The following HPX variants were observed in gnomAD, a reference collection of about 807,000 sequenced individuals.
HPX encodes hemopexin.
Under a neutral mutation model 53.8 loss-of-function variants are expected in HPX, and 42 were observed. The observed-to-expected ratio is 0.78, with a 90% CI of 0.61 to 1.01. The LOEUF (loss-of-function observed/expected upper bound fraction) is 1.01. Ranked by LOEUF, HPX falls within the 50% of genes least tolerant of loss-of-function variation. The pLI, the probability that HPX is intolerant of heterozygous loss-of-function variation, is 0.00. For synonymous variants in HPX, 229 were observed against 221.1 expected, an observed-to-expected ratio of 1.04 and a Z score of -0.32; for missense variants, 547 against 594.3, an observed-to-expected ratio of 0.92 and a Z score of 0.83.
At chr11:6,440,036 A>G (rs1436716562) in intron 4 of HPX, 129 bp downstream of exon 4, 2 of 1,202,414 alleles carry the variant, frequency 1.7e-6, no homozygotes, top group Admixed American at 3.6e-5. Flanking sequence ...TTTACAGGAA[A>G]GGAGGGCACA....
At position 6,440,934 on chromosome 11, in the gene HPX, T is replaced by A; in HGVS notation, c.30A>T (p.Ala10=). Residue 10 remains alanine, a synonymous_variant, in exon 1 of 10, where the codon GCA becomes GCT. Transcript: ENST00000265983. MARVLGAPV[A]LGLWSLCWSL... is the part of the protein sequence containing the mutation. Reference sequence around the variant, plus strand: ...ACCAGCATAGGCTCCACAACCCCAGTGCAACGGGTGCTCCCAGTACCCTAG... The same window carrying A: ...ACCAGCATAGGCTCCACAACCCCAGAGCAACGGGTGCTCCCAGTACCCTAG... 1 of 1,609,916 alleles carries A rather than the reference T, an allele frequency of 6.2e-7. No individual in the cohort carries two copies.
At chr11:6,433,233 A>T (rs1477074696) in intron 7 of HPX, among the ~76,000 whole-genome samples, 2 of 152,112 alleles carry the variant, frequency 1.3e-5, no homozygotes, top group African/African-American at 4.8e-5. Context: ...CTGGAGTGCA[A>T]TGGTGCAATC....
chr11:6,437,217 C>G, intron 6 of HPX, 40 bp from the exon 7 acceptor site: 1 of 1,592,934 alleles, frequency 6.3e-7, no homozygotes, highest in Non-Finnish European at 8.6e-7. Flanking sequence ...AGAAGGAGGC[C>G]AGAGGTCAGA....
intron 2 of HPX, 29 bp from the exon 3 acceptor site, chr11:6,440,567 T>TAAAAAAAAAAAAAAAAAAA: frequency 5.1e-6 from 3 of 589,000 alleles, no homozygotes; most frequent in South Asian, 3.8e-5. Context: ...GATGGCAAAG[T>TAAAAAAAAAAAAAAAAAAA]AAAAAAAAAA....
chr11:6,440,398 G>C, intron 3 of HPX, 69 bp downstream of exon 3: 1 of 1,589,932 alleles, frequency 6.3e-7, no homozygotes, highest in Non-Finnish European at 8.6e-7. Context: ...ACCTCCCACA[G>C]ACAGGGACAC....
At chr11:6,435,109 A>C (rs7109557) in intron 7 of HPX, among the ~76,000 whole-genome samples, 36,835 of 150,930 alleles carry the variant, frequency 0.24, 4,741 homozygotes, top group African/African-American at 0.31. Context: ...ATTGTAACCC[A>C]AAAAAAAATA....
At position 6,437,154 on chromosome 11, in the gene HPX, C is replaced by A; in HGVS notation, c.727G>T (p.Gly243Cys). 6.2e-7 allele frequency: 1 copy of A among 1,614,006 alleles called. No homozygotes were observed. The highest frequency in any genetic ancestry group is 1.1e-5 in the South Asian group (1 of 91,052). ...GRGHGHRNGT[G>C]HGNSTHHGPE... ...CCATGGTGGGTACTGTTCCCATGGC[C>A]AGTCCCATTCCTGTGTCCATGGCCT... The change falls in exon 7 of 10, where the codon GGC (glycine) becomes TGC (cysteine). Residue 243 changes from glycine to cysteine, a missense_variant. Coordinates refer to ENST00000265983, the MANE Select transcript of HPX (RefSeq NM_000613.3).
intron 7 of HPX, among the ~76,000 whole-genome samples, chr11:6,435,365 G>C (rs1265123778): frequency 6.6e-6 from 1 of 152,008 alleles, no homozygotes; most frequent in Non-Finnish European, 1.5e-5. Context: ...CTGTAGCTGG[G>C]TCATGTTGGT....
rs1488983510 is a variant in HPX at position 6,440,298 on chromosome 11, C to G, written c.215-12G>C. ...CCACACAAACTCCCCTGAAAAAACC[C>G]ACACTCACTGAGGGGCCCAGTGAGA... On this transcript the variant is annotated splice_polypyrimidine_tract_variant and intron_variant, in intron 3 of 9. Coordinates refer to ENST00000265983, the MANE Select transcript of HPX (RefSeq NM_000613.3). 1 of 1,613,656 alleles carries G rather than the reference C, an allele frequency of 6.2e-7. No homozygotes were observed. The highest frequency in any genetic ancestry group is 8.5e-7 in the Non-Finnish European group (1 of 1,179,992).
chr11:6,438,443 C>A lies in HPX; in HGVS notation c.403G>T (p.Glu135Ter). The change falls in exon 5 of 10, where the codon GAA becomes TAA. Residue 135 changes from glutamate (E) to a stop codon, truncating the protein, a stop_gained. Coordinates refer to ENST00000265983, the MANE Select transcript of HPX (RefSeq NM_000613.3). LOFTEE classifies it high-confidence loss of function. Reference protein sequence around the residue: ...EKGYPKLLQDEFPGIPSPLDA... With the variant: ...EKGYPKLLQD Reference sequence around the variant, plus strand: ...AGTGGGGATGGGATTCCAGGAAATTCATCTTGGAGCAACTTTGGGTATCCT... The same window carrying A: ...AGTGGGGATGGGATTCCAGGAAATTAATCTTGGAGCAACTTTGGGTATCCT... The A allele has an allele frequency of 1.2e-6, 2 of 1,613,890 alleles. No individual in the cohort carries two copies. The highest frequency in any genetic ancestry group is 1.1e-5 in the South Asian group (1 of 91,076).
At position 6,438,348 on chromosome 11, in the gene HPX, G is replaced by C. The variant is rs1174276544; in HGVS notation, c.490+8C>G. ...ACTCCAGGTTCTTGGATTCCAGCCT[G>C]GACTGACCTTGGAAGAAGAGGACGC... On this transcript the variant is annotated splice_region_variant and intron_variant, in intron 5 of 9. Coordinates refer to ENST00000265983, the MANE Select transcript of HPX (RefSeq NM_000613.3). 6.2e-7 allele frequency: 1 copy of C among 1,613,876 alleles called. No homozygotes were observed. Among genetic ancestry groups the C allele is most frequent in the Non-Finnish European group, 8.5e-7 (1 of 1,179,882 alleles).
Position 6,437,529 on chromosome 11 carries a change from T to C in HPX, c.614A>G (p.Gln205Arg). ...LGRYYCFQGN[Q>R]FLRFDPVRGE... is the part of the protein sequence containing the mutation. ...CCTGACAGGGTCGAAGCGCAGGAATTGGTTACCCTGGAAGCAGTAGTAGCG... is the reference window on the plus strand; with the variant it reads ...CCTGACAGGGTCGAAGCGCAGGAATCGGTTACCCTGGAAGCAGTAGTAGCG... The change falls in exon 6 of 10, where the codon CAA (glutamine) becomes CGA (arginine). Residue 205 changes from glutamine (Q) to arginine (R), a missense_variant. Gln to Arg is a conservative substitution (Grantham distance 43). Transcript: ENST00000265983. 6.2e-7 allele frequency: 1 copy of C among 1,614,188 alleles called. No homozygotes were observed. Among genetic ancestry groups the C allele is most frequent in the Non-Finnish European group, 8.5e-7 (1 of 1,180,022 alleles).
intron 9 of HPX, 28 bp downstream of exon 9, chr11:6,431,613 G>T (rs769494448): frequency 3.1e-6 from 5 of 1,611,984 alleles, no homozygotes; most frequent in Admixed American, 1.7e-5. Context: ...AGAACAAGCT[G>T]CCCTCTAAGC....
At chr11:6,440,018 C>T in intron 4 of HPX, 147 bp downstream of exon 4, 1 of 1,029,638 alleles carries the variant, frequency 9.7e-7, no homozygotes, top group Non-Finnish European at 1.5e-6. Flanking sequence ...ACTCCCTTAG[C>T]CCAAGCTTTT....
At chr11:6,439,585 C>T (rs1849459593) in intron 4 of HPX, 1 of 169,922 alleles carries the variant, frequency 5.9e-6, no homozygotes, top group African/African-American at 2.4e-5. Flanking sequence ...GGATGGATCC[C>T]CAAGGAACAT....
At chr11:6,431,597 G>T (rs776166623) in intron 9 of HPX, 44 bp downstream of exon 9, 4 of 1,609,984 alleles carry the variant, frequency 2.5e-6, no homozygotes, top group Non-Finnish European at 3.4e-6. Context: ...GCCACAGACA[G>T]GTAGCAGAAC....
At chr11:6,435,949 ATC>A (rs1849410181) in intron 7 of HPX, among the ~76,000 whole-genome samples, 1 of 151,826 alleles carries the variant, frequency 6.6e-6, no homozygotes. Flanking sequence ...TGTTTTCACA[ATC>A]TCTCACTCAC....
intron 7 of HPX, among the ~76,000 whole-genome samples, chr11:6,434,108 C>T (rs1341594863): frequency 6.6e-6 from 1 of 152,202 alleles, no homozygotes; most frequent in African/African-American, 2.4e-5. Context: ...GGGCAGGCAT[C>T]TTGTCTGCCA....
chr11:6,433,802 C>A (rs1333211663), intron 7 of HPX, among the ~76,000 whole-genome samples: 3 of 152,220 alleles, frequency 2.0e-5, no homozygotes, highest in African/African-American at 7.2e-5. Flanking sequence ...TTTCAAGTCA[C>A]CCACCTGCTC....
Sources: allele counts gnomAD v4.1 joint callset (sites outside exome capture counted in the v4.1 genomes callset), GRCh38; gene constraint gnomAD v4.1.1; transcripts MANE v1.5; gene names NCBI Gene and HGNC (gene_info 2026-07-23, HGNC 2026-07-21).